Variants in SLC9A9 observed in about 807,000 individuals in gnomAD.
SLC9A9 encodes sodium/hydrogen exchanger 9.
SLC9A9 carries 62 observed loss-of-function variants against 77.8 expected under a neutral mutation model. That is an observed-to-expected ratio of 0.80 (90% CI 0.65 to 0.98). The LOEUF (loss-of-function observed/expected upper bound fraction) is 0.98, where lower values mean the gene tolerates loss of function less well. SLC9A9 is among the 50% of genes least tolerant of loss of function. The pLI is 0.00. For missense variants in SLC9A9, 775 were observed against 774.9 expected (o/e 1.00, Z 0.00); for synonymous variants, 320 against 283.5 (o/e 1.13, Z -1.29).
At chr3:143,749,352 C>T (rs1197632791) in intron 4 of SLC9A9, among the ~76,000 whole-genome samples, 1 of 152,044 alleles carries the variant, frequency 6.6e-6, no homozygotes, top group Non-Finnish European at 1.5e-5. Flanking sequence ...AGAAAATTAG[C>T]TGTAAAATCA....
At chr3:143,760,172 T>C (rs1015565789) in intron 4 of SLC9A9, among the ~76,000 whole-genome samples, 3 of 152,144 alleles carry the variant, frequency 2.0e-5, no homozygotes, top group African/African-American at 7.2e-5. Flanking sequence ...TATTTTGAGA[T>C]ATGTCCCATC....
chr3:143,291,942 C>T (rs1207914524), intron 14 of SLC9A9, among the ~76,000 whole-genome samples: 1 of 152,220 alleles, frequency 6.6e-6, no homozygotes, highest in Non-Finnish European at 1.5e-5. Flanking sequence ...TGGAGGGGCT[C>T]TCACCCTACA....
chr3:143,449,970 A>T (rs376438529), intron 12 of SLC9A9, among the ~76,000 whole-genome samples: 27,355 of 77,666 alleles, frequency 0.35, 4,542 homozygotes, highest in East Asian at 0.49. Context: ...TAATATATAT[A>T]ATATATATTA....
intron 5 of SLC9A9, among the ~76,000 whole-genome samples, chr3:143,683,930 A>C (rs1235226870): frequency 6.6e-6 from 1 of 152,068 alleles, no homozygotes; most frequent in Non-Finnish European, 1.5e-5. Context: ...TCACTGTATT[A>C]TACTGATGGA....
chr3:143,449,844 TATATATATAA>T (rs1559921729), intron 12 of SLC9A9, among the ~76,000 whole-genome samples: 3 of 26,828 alleles, frequency 1.1e-4, no homozygotes, highest in Non-Finnish European at 1.5e-4. Flanking sequence ...ATATGTATTA[TATATATATAA>T]TTATATATAT....
At chr3:143,334,836 C>T (rs998572456) in intron 14 of SLC9A9, among the ~76,000 whole-genome samples, 1 of 152,138 alleles carries the variant, frequency 6.6e-6, no homozygotes, top group Middle Eastern at 3.4e-3. Flanking sequence ...CTATGTAATG[C>T]ATTTCAGAAA....
intron 12 of SLC9A9, among the ~76,000 whole-genome samples, chr3:143,466,353 C>T (rs930377522): frequency 6.6e-6 from 1 of 152,234 alleles, no homozygotes; most frequent in African/African-American, 2.4e-5. Context: ...TAAACAAAGA[C>T]AGCCACACTT....
At position 143,512,377 on chromosome 3, in the gene SLC9A9, A is replaced by G. The variant is rs970067310; in HGVS notation, c.1090-16929T>C. Among the ~76,000 whole-genome samples, 6 of 152,376 alleles carry G rather than the reference A, an allele frequency of 3.9e-5. No individual in the cohort carries two copies. The South Asian group carries it at 1.2e-3, about 32-fold the overall frequency. On this transcript the variant is annotated intron_variant, in intron 9 of 15. Coordinates refer to ENST00000316549, the MANE Select transcript of SLC9A9 (RefSeq NM_173653.4). ...AACTACTTAAAATGAAAAGGGTGGA[A>G]AACCACCAAAACATATATCAAAAAG...
At chr3:143,793,485 C>T (rs1441398184) in intron 4 of SLC9A9, among the ~76,000 whole-genome samples, 3 of 152,182 alleles carry the variant, frequency 2.0e-5, no homozygotes, top group African/African-American at 7.2e-5. Flanking sequence ...AATTTCAAGA[C>T]CCCATATTAT....
chr3:143,808,778 T>A (rs929594158), intron 2 of SLC9A9, among the ~76,000 whole-genome samples: 1 of 152,186 alleles, frequency 6.6e-6, no homozygotes, highest in African/African-American at 2.4e-5. Context: ...GACATAATAG[T>A]GTGGTACCTA....
At chr3:143,688,354 T>G (rs1279171115) in intron 5 of SLC9A9, among the ~76,000 whole-genome samples, 1 of 152,056 alleles carries the variant, frequency 6.6e-6, no homozygotes, top group African/African-American at 2.4e-5. Context: ...ACAACTCAGT[T>G]GTGTTTAGAG....
rs535373260 is a variant in SLC9A9, at chr3:143,687,720, T to G, written c.649+5472A>C. On this transcript the variant is annotated intron_variant, in intron 5 of 15. Transcript: ENST00000316549. ...TAGTTAAAACTTTTTATTTTACAGATGAAGAGTCAGTTTTGTCTGTTAAAA... is the reference window on the plus strand; with the variant it reads ...TAGTTAAAACTTTTTATTTTACAGAGGAAGAGTCAGTTTTGTCTGTTAAAA... Among the ~76,000 whole-genome samples, 24 of 149,528 alleles carry G rather than the reference T, an allele frequency of 1.6e-4. No homozygotes were observed. The South Asian group carries it at 5.3e-3, about 33-fold the overall frequency.
At chr3:143,363,924 A>C (rs1214784940) in intron 13 of SLC9A9, among the ~76,000 whole-genome samples, 1 of 152,230 alleles carries the variant, frequency 6.6e-6, no homozygotes, top group East Asian at 1.9e-4. Flanking sequence ...GATTACCAAA[A>C]GGTCAAGGCT....
At chr3:143,334,256 A>G (rs1004631619) in intron 14 of SLC9A9, among the ~76,000 whole-genome samples, 3 of 152,244 alleles carry the variant, frequency 2.0e-5, no homozygotes, top group Non-Finnish European at 1.5e-5. Context: ...GGATCCGCCT[A>G]TAGGTGCTCA....
intron 2 of SLC9A9, among the ~76,000 whole-genome samples, chr3:143,827,081 T>C (rs1412794333): frequency 1.3e-5 from 2 of 152,244 alleles, no homozygotes; most frequent in Admixed American, 1.3e-4. Context: ...CAGAAAGTTA[T>C]TTTATCATCT....
At chr3:143,476,228 C>A (rs910882705) in intron 11 of SLC9A9, among the ~76,000 whole-genome samples, 1 of 152,122 alleles carries the variant, frequency 6.6e-6, no homozygotes, top group Non-Finnish European at 1.5e-5. Flanking sequence ...GAAGTGAAGC[C>A]AACAGATTGT....
At chr3:143,422,029 A>G (rs971574525) in intron 12 of SLC9A9, among the ~76,000 whole-genome samples, 4 of 152,256 alleles carry the variant, frequency 2.6e-5, no homozygotes, top group Non-Finnish European at 5.9e-5. Context: ...TCAAAACCAC[A>G]ATATGATATT....
intron 1 of SLC9A9, among the ~76,000 whole-genome samples, chr3:143,839,322 C>T (rs1344582663): frequency 1.1e-4 from 17 of 152,120 alleles, no homozygotes; most frequent in Admixed American, 9.2e-4. Context: ...CATTAAATTC[C>T]AAAGTGGAAA....
intron 6 of SLC9A9, among the ~76,000 whole-genome samples, chr3:143,649,151 C>T (rs1192401558): frequency 2.0e-5 from 3 of 152,184 alleles, no homozygotes; most frequent in Admixed American, 6.5e-5. Flanking sequence ...ACCATGCTGC[C>T]TCTGAAATTA....
Sources: allele counts gnomAD v4.1 joint callset (sites outside exome capture counted in the v4.1 genomes callset), GRCh38; gene constraint gnomAD v4.1.1; transcripts MANE v1.5; gene names NCBI Gene and HGNC (gene_info 2026-07-23, HGNC 2026-07-21).